The following SRPK2 variants were observed in gnomAD, a reference collection of about 807,000 sequenced individuals.
SRPK2 encodes SFRS protein kinase 2.
Under a neutral mutation model 90.8 loss-of-function variants are expected in SRPK2, and 21 were observed. The ratio of observed to expected loss-of-function variants is 0.23; its 90% CI spans 0.16 to 0.33. SRPK2 has a LOEUF of 0.33. Among genes scored for constraint, SRPK2 ranks in the 10% least tolerant of loss-of-function variants. The pLI is 1.00. For missense variants in SRPK2, 620 were observed against 869.0 expected (o/e 0.71, Z 3.60); for synonymous variants, 288 against 311.1 (o/e 0.93, Z 0.78).
intron 2 of SRPK2, among the ~76,000 whole-genome samples, chr7:105,281,538 A>G (rs904882146): frequency 1.3e-5 from 2 of 152,206 alleles, no homozygotes; most frequent in Non-Finnish European, 2.9e-5. Flanking sequence ...CTGCAGTCCT[A>G]GCTACGTGGA....
chr7:105,167,768 GC>G (rs1244008971), intron 5 of SRPK2, among the ~76,000 whole-genome samples: 1 of 151,894 alleles, frequency 6.6e-6, no homozygotes, highest in Admixed American at 6.6e-5. Context: ...CCACCACCAT[GC>G]CTGGCTATTT....
At chr7:105,233,082 A>G (rs2129620251) in intron 2 of SRPK2, among the ~76,000 whole-genome samples, 1 of 123,152 alleles carries the variant, frequency 8.1e-6, no homozygotes, top group South Asian at 3.3e-4. Flanking sequence ...AAGGAAGGAA[A>G]GGAAGGAAAG....
intron 2 of SRPK2, among the ~76,000 whole-genome samples, chr7:105,320,932 G>A (rs775857460): frequency 1.3e-5 from 2 of 152,120 alleles, no homozygotes; most frequent in Non-Finnish European, 2.9e-5. Flanking sequence ...CCAGGCCCAT[G>A]CAATCCCTCT....
intron 2 of SRPK2, among the ~76,000 whole-genome samples, chr7:105,351,817 A>G (rs185710822): frequency 0.013 from 1,960 of 147,378 alleles, 35 homozygotes; most frequent in Middle Eastern, 0.028. Flanking sequence ...AAAAAAAAAA[A>G]AAGAAGAAGA....
At chr7:105,390,623 T>G (rs1488730095), upstream of SRPK2, among the ~76,000 whole-genome samples, 1,846 of 149,538 alleles carry the variant, frequency 0.012, 32 homozygotes, top group African/African-American at 0.03. Flanking sequence ...TTTTTTTTTT[T>G]TTTTTTTTTA....
chr7:105,346,440 CTG>C (rs949649382), intron 2 of SRPK2, among the ~76,000 whole-genome samples: 28 of 152,138 alleles, frequency 1.8e-4, no homozygotes, highest in African/African-American at 6.3e-4. Context: ...GGTCAATAAA[CTG>C]TAAGTCTCCA....
At chr7:105,269,202 C>T (rs1211151026) in intron 2 of SRPK2, 11 of 569,846 alleles carry the variant, frequency 1.9e-5, no homozygotes, top group Non-Finnish European at 2.4e-5. Flanking sequence ...AAATCTTGAA[C>T]ATCTGAATTA....
At chr7:105,361,829 AT>A (rs1294662223) in intron 2 of SRPK2, among the ~76,000 whole-genome samples, 1 of 152,204 alleles carries the variant, frequency 6.6e-6, no homozygotes, top group Admixed American at 6.6e-5. Context: ...TTAATTCAAG[AT>A]GGATTTAAGA....
At chr7:105,212,275 C>T (rs1024451465) in intron 2 of SRPK2, among the ~76,000 whole-genome samples, 1 of 152,186 alleles carries the variant, frequency 6.6e-6, no homozygotes, top group African/African-American at 2.4e-5. Flanking sequence ...TCTACAACTA[C>T]CCAGAAGCAC....
chr7:105,202,250 T>C, intron 3 of SRPK2, among the ~76,000 whole-genome samples: 1 of 152,360 alleles, frequency 6.6e-6, no homozygotes, highest in East Asian at 1.9e-4. Flanking sequence ...ACACTGTTTC[T>C]GAACCAACAT....
rs1802261587 is a variant in SRPK2, at chr7:105,133,110, A to G, written c.1544-6T>C. 1 of 1,613,854 alleles carries G rather than the reference A, an allele frequency of 6.2e-7. No individual in the cohort carries two copies. The highest frequency in any genetic ancestry group is 8.5e-7 in the Non-Finnish European group (1 of 1,179,708). On this transcript the variant is annotated splice_polypyrimidine_tract_variant and splice_region_variant and intron_variant, in intron 11 of 15. Coordinates refer to ENST00000393651, the MANE Select transcript of SRPK2 (RefSeq NM_182692.3). Reference sequence around the variant, plus strand: ...GTCAGCTGCCCGGGTTTTTGCTGGCATGAGCAAACAGCAGGACAGTTAGTG... The same window carrying G: ...GTCAGCTGCCCGGGTTTTTGCTGGCGTGAGCAAACAGCAGGACAGTTAGTG...
chr7:105,377,789 G>A (rs1003442223), intron 2 of SRPK2, among the ~76,000 whole-genome samples: 3 of 152,068 alleles, frequency 2.0e-5, no homozygotes, highest in African/African-American at 7.2e-5. Flanking sequence ...GCAAAAAATG[G>A]CAACACCACC....
intron 2 of SRPK2, among the ~76,000 whole-genome samples, chr7:105,227,885 T>A: frequency 9.6e-6 from 1 of 104,062 alleles, no homozygotes; most frequent in African/African-American, 3.7e-5. Flanking sequence ...AAACAGAGTA[T>A]CATTCAGCAA....
At chr7:105,170,825 GAGAAAGAAAGGAAGAAAGAA>G (rs1415686099) in intron 3 of SRPK2, among the ~76,000 whole-genome samples, 1 of 104,286 alleles carries the variant, frequency 9.6e-6, no homozygotes, top group Non-Finnish European at 1.9e-5. Context: ...GGGAGAGAAA[GAGAAAGAAAGGAAGAAAGAA>G]AGAAAGAAAG....
At chr7:105,281,221 C>G (rs377540797) in intron 2 of SRPK2, among the ~76,000 whole-genome samples, 6 of 151,772 alleles carry the variant, frequency 4.0e-5, no homozygotes, top group Admixed American at 2.0e-4. Flanking sequence ...CTCAGCCTCC[C>G]GAGTAGCTGG....
intron 2 of SRPK2, chr7:105,301,829 T>C (rs1387233259): frequency 1.3e-6 from 2 of 1,561,540 alleles, no homozygotes. Flanking sequence ...TGTTTGAATA[T>C]GCCAAAGACA....
chr7:105,127,129 C>T, intron 13 of SRPK2, 67 bp from the exon 14 acceptor site: 1 of 1,499,218 alleles, frequency 6.7e-7, no homozygotes, highest in South Asian at 1.2e-5. Flanking sequence ...GCTTTTTCTC[C>T]TTATAGAAGA....
intron 2 of SRPK2, among the ~76,000 whole-genome samples, chr7:105,210,627 C>T (rs1796737023): frequency 6.6e-6 from 1 of 152,156 alleles, no homozygotes; most frequent in Non-Finnish European, 1.5e-5. Flanking sequence ...TGTTAAATCT[C>T]CTGCTTCTCT....
chr7:105,182,608 T>C (rs759604472), intron 3 of SRPK2, among the ~76,000 whole-genome samples: 7 of 152,064 alleles, frequency 4.6e-5, no homozygotes, highest in Admixed American at 2.0e-4. Flanking sequence ...TGCACCAACA[T>C]GCCCGGCTAA....
Sources: gnomAD v4.1 joint callset for allele counts (sites outside exome capture counted in the v4.1 genomes callset) on GRCh38, gnomAD v4.1.1 for gene constraint, MANE v1.5 for transcripts, NCBI Gene and HGNC (gene_info 2026-07-23, HGNC 2026-07-21) for gene names.